HIVEP2: variants seen among roughly 807,000 people sequenced by gnomAD.
HIVEP2 encodes transcription factor HIVEP2.
In HIVEP2, 14 loss-of-function variants were observed where a neutral mutation model predicts 180.7. That is an observed-to-expected ratio of 0.08 (90% confidence interval 0.05 to 0.12). HIVEP2 has a LOEUF of 0.12. Ranked by LOEUF, HIVEP2 falls within the 10% of genes least tolerant of loss-of-function variation. The probability of loss-of-function intolerance (pLI) is 1.00; values close to 1 mark genes in which losing one functional copy is unlikely to be tolerated. For synonymous variants in HIVEP2, 1,184 were observed against 1,136.4 expected, an observed-to-expected ratio of 1.04 and a Z score of -0.84; for missense variants, 2,579 against 3,008.5, an observed-to-expected ratio of 0.86 and a Z score of 3.34.
chr6:142,838,500 A>C (rs569600609), intron 1 of HIVEP2, among the ~76,000 whole-genome samples: 5 of 152,262 alleles, frequency 3.3e-5, no homozygotes, highest in Admixed American at 3.3e-4. Context: ...TCGCATTTGA[A>C]TATCTAGAGC....
chr6:142,869,093 GA>G (rs1220861948), intron 1 of HIVEP2, among the ~76,000 whole-genome samples: 3 of 152,176 alleles, frequency 2.0e-5, no homozygotes, highest in African/African-American at 7.2e-5. Context: ...TGGGGAGAAG[GA>G]AAACTACTGG....
At chr6:142,875,179 G>A (rs941683394) in intron 1 of HIVEP2, among the ~76,000 whole-genome samples, 1 of 152,190 alleles carries the variant, frequency 6.6e-6, no homozygotes, top group African/African-American at 2.4e-5. Flanking sequence ...CATTTGAGTT[G>A]AGACTTGAAC....
chr6:142,859,298 T>C (rs763865445), intron 1 of HIVEP2, among the ~76,000 whole-genome samples: 1 of 151,662 alleles, frequency 6.6e-6, no homozygotes, highest in Non-Finnish European at 1.5e-5. Flanking sequence ...GGAGACTCCG[T>C]CTCTACAAAA....
rs1562498076 is a variant in HIVEP2, at chr6:142,760,547, T to C, written c.5741A>G (p.Asp1914Gly). ...GTCAAAGTCATCTTCATCTTCATCA[T>C]CATCATCATTATCATCTCCATCCTC... ...DGEDGDDNDD[D>G]DEDEDDFDDQ... is the part of the protein sequence containing the mutation. Residue 1914 changes from aspartate (D) to glycine (G), a missense_variant, in exon 9 of 10, where the codon GAT becomes GGT. Coordinates refer to ENST00000367603, the MANE Select transcript of HIVEP2 (RefSeq NM_006734.4). 1 of 1,614,010 alleles carries C rather than the reference T, an allele frequency of 6.2e-7. No individual in the cohort carries two copies. The highest frequency in any genetic ancestry group is 8.5e-7 in the Non-Finnish European group (1 of 1,179,894).
At chr6:142,910,896 C>T (rs1777386281) in intron 1 of HIVEP2, among the ~76,000 whole-genome samples, 1 of 152,092 alleles carries the variant, frequency 6.6e-6, no homozygotes, top group African/African-American at 2.4e-5. Context: ...GAAAGACCAT[C>T]GTGCATGATA....
chr6:142,809,499 A>G (rs961707825), intron 2 of HIVEP2, among the ~76,000 whole-genome samples: 14 of 152,142 alleles, frequency 9.2e-5, no homozygotes, highest in African/African-American at 3.4e-4. Context: ...CCAGAACAGT[A>G]TTTGGCACAC....
chr6:142,787,106 T>A (rs1181035423), intron 2 of HIVEP2, among the ~76,000 whole-genome samples: 1 of 151,600 alleles, frequency 6.6e-6, no homozygotes, highest in Admixed American at 6.6e-5. Flanking sequence ...TAAAAAAAAA[T>A]TTAAGCAGGT....
At chr6:142,940,544 G>A (rs1778151349) in intron 1 of HIVEP2, among the ~76,000 whole-genome samples, 1 of 152,190 alleles carries the variant, frequency 6.6e-6, no homozygotes, top group African/African-American at 2.4e-5. Context: ...CCTCACATAT[G>A]TCAGGTTGGA....
At chr6:142,918,161 C>T (rs1777605681) in intron 1 of HIVEP2, among the ~76,000 whole-genome samples, 1 of 152,064 alleles carries the variant, frequency 6.6e-6, no homozygotes, top group Admixed American at 6.5e-5. Flanking sequence ...TTTCCTTAAA[C>T]CCTTTCCTCT....
chr6:142,818,435 GGGAGGCCAAAGCGGGT>G (rs1223335203), intron 2 of HIVEP2, among the ~76,000 whole-genome samples: 3 of 152,110 alleles, frequency 2.0e-5, no homozygotes, highest in African/African-American at 7.2e-5. Context: ...CCAGCACTTT[GGGAGGCCAAAGCGGGT>G]GGATCACTTG....
chr6:142,793,673 T>TCTCTCTCTCTCTCTCTCTCTC (rs1562521411), intron 2 of HIVEP2, among the ~76,000 whole-genome samples: 27 of 107,492 alleles, frequency 2.5e-4, no homozygotes, highest in African/African-American at 8.9e-4. Context: ...CTTTCTTTCT[T>TCTCTCTCTCTCTCTCTCTCTC]TCTCTCTCTC....
chr6:142,783,834 TC>T (rs1382362454), intron 2 of HIVEP2, among the ~76,000 whole-genome samples: 1 of 152,142 alleles, frequency 6.6e-6, no homozygotes, highest in African/African-American at 2.4e-5. Context: ...TAAAGGGAAT[TC>T]CCTGTAACAG....
intron 1 of HIVEP2, among the ~76,000 whole-genome samples, chr6:142,844,611 T>C (rs1775460131): frequency 6.6e-6 from 1 of 152,190 alleles, no homozygotes; most frequent in Non-Finnish European, 1.5e-5. Context: ...CTGTTCTTAG[T>C]AAGGAAGTCA....
chr6:142,759,525 G>A (rs777654549), intron 9 of HIVEP2, among the ~76,000 whole-genome samples: 1 of 152,194 alleles, frequency 6.6e-6, no homozygotes, highest in Non-Finnish European at 1.5e-5. Flanking sequence ...AAAGCCTTCA[G>A]AAAGGCCTCA....
intron 1 of HIVEP2, among the ~76,000 whole-genome samples, chr6:142,938,402 T>G (rs1778104406): frequency 6.6e-6 from 1 of 152,248 alleles, no homozygotes; most frequent in African/African-American, 2.4e-5. Context: ...AATAAAACAC[T>G]GTTTCAAATA....
chr6:142,884,512 C>T (rs901234958), intron 1 of HIVEP2, among the ~76,000 whole-genome samples: 3 of 152,010 alleles, frequency 2.0e-5, no homozygotes, highest in Non-Finnish European at 2.9e-5. Flanking sequence ...AAACAAACAT[C>T]GACAAACCAG....
Position 142,757,847 on chromosome 6 carries a change from G to A in HIVEP2, c.6516+1925C>T, listed in dbSNP as rs940098750. Among the ~76,000 whole-genome samples the A allele has an allele frequency of 3.3e-5, 5 of 152,132 alleles. No individual in the cohort carries two copies. The East Asian group carries it at 9.6e-4, about 29-fold the overall frequency. The stretch of plus-strand genomic sequence containing the variant: ...ATTCCTTTGCCTAACTTGACTGTGG[G>A]TTGCTATAAATTTTTACAACCACAG... On this transcript the variant is annotated intron_variant, in intron 9 of 9. Transcript: ENST00000367603.
At chr6:142,864,451 A>G (rs986502418) in intron 1 of HIVEP2, among the ~76,000 whole-genome samples, 1 of 152,340 alleles carries the variant, frequency 6.6e-6, no homozygotes, top group East Asian at 1.9e-4. Flanking sequence ...TATTACTAAT[A>G]CTTCAAGTAC....
intron 2 of HIVEP2, among the ~76,000 whole-genome samples, chr6:142,813,758 G>A (rs1269783557): frequency 6.6e-6 from 1 of 151,614 alleles, no homozygotes. Flanking sequence ...GTAGAGACAA[G>A]GTCTCACTGT....
Sources: allele counts gnomAD v4.1 joint callset (sites outside exome capture counted in the v4.1 genomes callset), GRCh38; gene constraint gnomAD v4.1.1; transcripts MANE v1.5; gene names NCBI Gene and HGNC (gene_info 2026-07-23, HGNC 2026-07-21).